The following KCNIP4 variants were observed in gnomAD, a reference collection of about 807,000 sequenced individuals.
KCNIP4 encodes potassium voltage-gated channel interacting protein 4.
A neutral mutation model predicts 34.0 loss-of-function variants in KCNIP4; 12 were observed. That is an observed-to-expected ratio of 0.35 (90% confidence interval 0.23 to 0.57). The LOEUF is 0.57. KCNIP4 is among the 20% of genes least tolerant of loss of function. KCNIP4 has a pLI of 0.83. For missense variants in KCNIP4, 238 were observed against 311.7 expected, an observed-to-expected ratio of 0.76 and a Z score of 1.78; for synonymous variants, 124 against 102.2, an observed-to-expected ratio of 1.21 and a Z score of -1.29.
chr4:21,208,410 C>T (rs949570655), intron 1 of KCNIP4, among the ~76,000 whole-genome samples: 1 of 152,104 alleles, frequency 6.6e-6, no homozygotes, highest in African/African-American at 2.4e-5. Context: ...GCCCCAATAC[C>T]TATAATCCCC....
intron 1 of KCNIP4, among the ~76,000 whole-genome samples, chr4:21,904,854 C>A (rs1402922343): frequency 6.6e-6 from 1 of 152,276 alleles, no homozygotes; most frequent in East Asian, 1.9e-4. Flanking sequence ...CATCTCCAGA[C>A]ATTGCCCAAT....
In KCNIP4 at chr4:21,905,104, T is replaced by C. The variant is rs944402027; in HGVS notation, c.61+43467A>G. The stretch of plus-strand genomic sequence containing the variant: ...CTCAAAGAGGAGCCAGATTTTTCCA[T>C]AATGACCCCAAAGCCACCAAAAATA... On this transcript the variant is annotated intron_variant, in intron 1 of 8. Transcript: ENST00000382152. Among the ~76,000 whole-genome samples the C allele has an allele frequency of 1.1e-4, 17 of 152,302 alleles. No individual in the cohort carries two copies. The East Asian group carries it at 2.7e-3, about 24-fold the overall frequency.
intron 1 of KCNIP4, among the ~76,000 whole-genome samples, chr4:21,473,961 G>A (rs931594919): frequency 3.3e-5 from 5 of 151,952 alleles, no homozygotes; most frequent in South Asian, 2.1e-4. Flanking sequence ...TGATTCACCC[G>A]CCTCAGCCTC....
intron 1 of KCNIP4, among the ~76,000 whole-genome samples, chr4:21,586,955 A>G (rs1741669548): frequency 6.6e-6 from 1 of 152,052 alleles, no homozygotes; most frequent in Non-Finnish European, 1.5e-5. Context: ...TTTATAACAA[A>G]AAGCAAAAGC....
intron 1 of KCNIP4, among the ~76,000 whole-genome samples, chr4:21,840,600 C>T (rs1513571): frequency 0.078 from 11,797 of 152,162 alleles, 1,560 homozygotes; most frequent in African/African-American, 0.27. Flanking sequence ...AAGCTATCCA[C>T]GCCCCTTGAA....
At chr4:21,571,714 C>T (rs767164956) in intron 1 of KCNIP4, among the ~76,000 whole-genome samples, 10 of 152,054 alleles carry the variant, frequency 6.6e-5, no homozygotes, top group Non-Finnish European at 8.8e-5. Flanking sequence ...GGAAGGTGCC[C>T]AGGGGTCATG....
intron 1 of KCNIP4, among the ~76,000 whole-genome samples, chr4:20,948,171 T>C (rs879679329): frequency 4.6e-5 from 7 of 152,178 alleles, no homozygotes; most frequent in African/African-American, 7.2e-5. Flanking sequence ...TTGGACCTTA[T>C]TCATTTGCAA....
At chr4:20,870,957 C>T (rs966281774) in intron 2 of KCNIP4, among the ~76,000 whole-genome samples, 1 of 152,116 alleles carries the variant, frequency 6.6e-6, no homozygotes, top group Admixed American at 6.6e-5. Context: ...GAGACATTCA[C>T]ACACCCTGTG....
At chr4:20,809,794 G>T (rs1460367304) in intron 3 of KCNIP4, among the ~76,000 whole-genome samples, 1 of 152,172 alleles carries the variant, frequency 6.6e-6, no homozygotes, top group South Asian at 2.1e-4. Context: ...TTGCCCCATG[G>T]AGGTGAATGC....
intron 1 of KCNIP4, among the ~76,000 whole-genome samples, chr4:21,642,495 A>G (rs188522359): frequency 2.8e-4 from 43 of 152,278 alleles, no homozygotes; most frequent in African/African-American, 9.9e-4. Context: ...TATCCAAAAT[A>G]TGGTACTATT....
At chr4:21,821,304 C>A (rs1003331931) in intron 1 of KCNIP4, among the ~76,000 whole-genome samples, 1 of 152,026 alleles carries the variant, frequency 6.6e-6, no homozygotes, top group Non-Finnish European at 1.5e-5. Flanking sequence ...ACTCTAAGAC[C>A]AAAGCATCCT....
intron 1 of KCNIP4, among the ~76,000 whole-genome samples, chr4:21,879,569 G>C (rs575124871): frequency 6.6e-6 from 1 of 152,172 alleles, no homozygotes; most frequent in African/African-American, 2.4e-5. Flanking sequence ...TGAATATAAA[G>C]TCATGTCTTG....
intron 1 of KCNIP4, among the ~76,000 whole-genome samples, chr4:21,486,775 G>A (rs1731956058): frequency 6.6e-6 from 1 of 151,854 alleles, no homozygotes; most frequent in African/African-American, 2.4e-5. Context: ...ATTTTATATT[G>A]CTATGGCACC....
intron 1 of KCNIP4, among the ~76,000 whole-genome samples, chr4:21,479,735 C>G (rs1425789733): frequency 6.6e-6 from 1 of 151,614 alleles, no homozygotes; most frequent in African/African-American, 2.4e-5. Flanking sequence ...GAAAATAAAC[C>G]AAATCTTCAA....
chr4:21,763,443 A>G (rs2009784), intron 1 of KCNIP4, among the ~76,000 whole-genome samples: 113,543 of 152,114 alleles, frequency 0.75, 44,124 homozygotes, highest in African/African-American at 0.91. Flanking sequence ...AAAGAACTGG[A>G]TAGAATTTTG....
chr4:21,065,617 A>G (rs1744280937), intron 1 of KCNIP4, among the ~76,000 whole-genome samples: 1 of 151,230 alleles, frequency 6.6e-6, no homozygotes, highest in South Asian at 2.1e-4. Context: ...TGCTGACTGT[A>G]CAATATTGTG....
intron 1 of KCNIP4, among the ~76,000 whole-genome samples, chr4:21,739,115 A>C (rs938268257): frequency 6.6e-6 from 1 of 152,140 alleles, no homozygotes; most frequent in Non-Finnish European, 1.5e-5. Context: ...GTAAAAATGC[A>C]TACATAGACT....
intron 4 of KCNIP4, among the ~76,000 whole-genome samples, chr4:20,754,276 C>G (rs1433482594): frequency 6.6e-6 from 1 of 152,136 alleles, no homozygotes; most frequent in Admixed American, 6.5e-5. Flanking sequence ...ATAGAGAAAG[C>G]TAACAGCCTG....
chr4:21,057,258 G>A (rs542340932), intron 1 of KCNIP4, among the ~76,000 whole-genome samples: 15 of 152,166 alleles, frequency 9.9e-5, no homozygotes, highest in African/African-American at 3.1e-4. Flanking sequence ...GGAAGAAAAA[G>A]TATTTGTTTA....
Sources: gnomAD v4.1 joint callset for allele counts (sites outside exome capture counted in the v4.1 genomes callset) on GRCh38, gnomAD v4.1.1 for gene constraint, MANE v1.5 for transcripts, NCBI Gene and HGNC (gene_info 2026-07-23, HGNC 2026-07-21) for gene names.